NTNG2: variants seen among roughly 807,000 people sequenced by gnomAD.
NTNG2 encodes netrin G2, also known as netrin-G2.
Under a neutral mutation model 47.6 loss-of-function variants are expected in NTNG2, and 15 were observed. The observed-to-expected ratio is 0.32, with a 90% CI of 0.21 to 0.49. The LOEUF (loss-of-function observed/expected upper bound fraction) is 0.49, where lower values mean the gene tolerates loss of function less well. NTNG2 is among the 20% of genes least tolerant of loss of function. The probability of loss-of-function intolerance (pLI) is 0.99; values close to 1 mark genes in which losing one functional copy is unlikely to be tolerated. For missense variants in NTNG2, 578 were observed against 764.6 expected (o/e 0.76, Z 2.88); for synonymous variants, 307 against 324.6 (o/e 0.95, Z 0.58).
At chr9:132,212,120 G>C (rs573714967) in intron 3 of NTNG2, among the ~76,000 whole-genome samples, 2 of 152,136 alleles carry the variant, frequency 1.3e-5, no homozygotes, top group Non-Finnish European at 2.9e-5. Flanking sequence ...ATCACACCCT[G>C]CTCCTTCTCC....
chr9:132,221,365 T>TGA lies in NTNG2; in HGVS notation c.858-5478_858-5477dup, dbSNP rs1270326667. 6.6e-6 allele frequency among the ~76,000 whole-genome samples: 1 copy of TGA among 151,998 alleles called. No homozygotes were observed. Among genetic ancestry groups the TGA allele is most frequent in the Non-Finnish European group, 1.5e-5 (1 of 68,004 alleles). ...GACGGAGACATGGAGAGAGGGGCACTGAGAGAGCCAGAGAGGCCAAGAGGT... is the reference window on the plus strand; with the variant it reads ...GACGGAGACATGGAGAGAGGGGCACTGAGAGAGAGCCAGAGAGGCCAAGAGGT... On this transcript the variant is annotated intron_variant, in intron 3 of 7. Transcript: ENST00000393229. This position sits in a 1 kb window ranked among gnomAD's most constrained non-coding sequence, Gnocchi z 4.2.
chr9:132,201,823 C>T (rs1838775580), intron 3 of NTNG2, among the ~76,000 whole-genome samples: 1 of 152,196 alleles, frequency 6.6e-6, no homozygotes, highest in Non-Finnish European at 1.5e-5. Flanking sequence ...TCAGATCCCA[C>T]AAGCCAAAGA....
chr9:132,216,148 G>A (rs1051824398), intron 3 of NTNG2, among the ~76,000 whole-genome samples: 53 of 152,158 alleles, frequency 3.5e-4, no homozygotes, highest in Non-Finnish European at 1.6e-4. Flanking sequence ...CAGCCCAGCC[G>A]TGACACTCAC....
intron 3 of NTNG2, among the ~76,000 whole-genome samples, chr9:132,216,278 G>C (rs1266641392): frequency 6.6e-6 from 1 of 152,170 alleles, no homozygotes; most frequent in Non-Finnish European, 1.5e-5. Context: ...GCCAGGCAGT[G>C]TGTTAGACAT....
At chr9:132,179,403 CGT>C (rs1211407977) in intron 2 of NTNG2, among the ~76,000 whole-genome samples, 4 of 152,154 alleles carry the variant, frequency 2.6e-5, no homozygotes, top group Non-Finnish European at 5.9e-5. Flanking sequence ...GGATCAAGAG[CGT>C]CCCCTAAGCC....
At chr9:132,240,437 C>A (rs937451694) in intron 6 of NTNG2, among the ~76,000 whole-genome samples, 1 of 152,250 alleles carries the variant, frequency 6.6e-6, no homozygotes, top group African/African-American at 2.4e-5. Flanking sequence ...AGCCCCAAGG[C>A]AACCAACTGG....
rs1823774642 is a variant in NTNG2 at position 132,162,619 on chromosome 9, G to GTGTC, written c.-484+380_-484+381insTGTC. Among the ~76,000 whole-genome samples the GTGTC allele has an allele frequency of 2.6e-5, 2 of 77,420 alleles. No homozygotes were observed. Among genetic ancestry groups the GTGTC allele is most frequent in the African/African-American group, 9.5e-5 (2 of 21,004 alleles). The allele number at this position is 77,420 out of a possible 152,430, so 50.8% of individuals were successfully genotyped here. A position where few individuals can be genotyped will look rare whatever the true frequency, so the allele number is the denominator to read the frequency against. On this transcript the variant is annotated intron_variant, in intron 1 of 7. Transcript: ENST00000393229. The surrounding 1 kb of genome is among the most constrained non-coding windows in gnomAD (Gnocchi z 4.6). ...GTGTGTGTGTGTGTGTGTGTGTGTC[G>GTGTC]GGGAGGGATGTTGCAAGGATGCTCG...
intron 5 of NTNG2, among the ~76,000 whole-genome samples, chr9:132,235,758 G>C (rs139838218): frequency 1.3e-5 from 2 of 152,192 alleles, no homozygotes; most frequent in Non-Finnish European, 2.9e-5. Flanking sequence ...CTGAGACCCC[G>C]GGGAAGCGCC....
Position 132,218,488 on chromosome 9 carries a change from G to GT in NTNG2, c.858-8353dup, listed in dbSNP as rs61589603. Among the ~76,000 whole-genome samples the GT allele has an allele frequency of 0.53, 80,227 of 151,576 alleles. 21,303 individuals are homozygous for GT. The highest frequency in any genetic ancestry group is 0.56 in the African/African-American group (23,195 of 41,364). ...CAATGTGATAGCGTTTTGTTTTTTTGTTTTTTTTGTTTTTCTGGTTTTTTT... is the reference window on the plus strand; with the variant it reads ...CAATGTGATAGCGTTTTGTTTTTTTGTTTTTTTTTGTTTTTCTGGTTTTTTT... On this transcript the variant is annotated intron_variant, in intron 3 of 7. Coordinates refer to ENST00000393229, the MANE Select transcript of NTNG2 (RefSeq NM_032536.4). This position sits in a 1 kb window ranked among gnomAD's most constrained non-coding sequence, Gnocchi z 5.4.
intron 3 of NTNG2, among the ~76,000 whole-genome samples, chr9:132,216,492 G>A (rs1331627): frequency 0.5 from 73,524 of 147,044 alleles, 18,707 homozygotes; most frequent in South Asian, 0.57. Context: ...TCTTGCTGCC[G>A]TCTGAAGAGC....
At position 132,221,557 on chromosome 9, in the gene NTNG2, T is replaced by A. The variant is rs1840350566; in HGVS notation, c.858-5292T>A. On this transcript the variant is annotated intron_variant, in intron 3 of 7. Coordinates refer to ENST00000393229, the MANE Select transcript of NTNG2 (RefSeq NM_032536.4). This position sits in a 1 kb window ranked among gnomAD's most constrained non-coding sequence, Gnocchi z 4.2. ...TGCCAGCTCCTCCCTGCAGCCCTGC[T>A]AGACAGGGCAATTCTCTCCTTTGGA... is the stretch of plus-strand genomic sequence containing the variant. 6.6e-6 allele frequency among the ~76,000 whole-genome samples: 1 copy of A among 152,214 alleles called. No homozygotes were observed. The highest frequency in any genetic ancestry group is 1.5e-5 in the Non-Finnish European group (1 of 68,040).
At chr9:132,222,918 C>G (rs1840446629) in intron 3 of NTNG2, among the ~76,000 whole-genome samples, 1 of 152,160 alleles carries the variant, frequency 6.6e-6, no homozygotes, top group Non-Finnish European at 1.5e-5. Context: ...TGAGACCAGC[C>G]TGGGCAACAC....
At position 132,181,881 on chromosome 9, in the gene NTNG2, G is replaced by C. The variant is rs541695986; in HGVS notation, c.213+14837G>C. On this transcript the variant is annotated intron_variant, in intron 2 of 7. Transcript: ENST00000393229. ...CCTGGGCCGCCCGGCCCGGCATCCA[G>C]GTTCCTAAACAGGCTGCTCAGCTGA... 3.5e-3 allele frequency among the ~76,000 whole-genome samples: 527 copies of C among 152,372 alleles called. 4 individuals carry two copies. The highest frequency in any genetic ancestry group is 4.3e-3 in the Non-Finnish European group (295 of 68,044).
At chr9:132,217,065 T>C (rs1403922577) in intron 3 of NTNG2, among the ~76,000 whole-genome samples, 1 of 152,174 alleles carries the variant, frequency 6.6e-6, no homozygotes, top group South Asian at 2.1e-4. Context: ...TCTAGTGCCA[T>C]GCAGCCCCGA....
rs377561867 is a variant in NTNG2 at position 132,197,951 on chromosome 9, C to T, written c.214-15C>T. 2.3e-4 allele frequency: 361 copies of T among 1,600,376 alleles called. No homozygotes were observed. The highest frequency in any genetic ancestry group is 3.0e-4 in the Non-Finnish European group (349 of 1,172,516). ...ATCCAGCACCCACCCTTCCCTTCTC[C>T]TCTCCCCGCTGCAGGAGAATCCCTA... On this transcript the variant is annotated splice_polypyrimidine_tract_variant and intron_variant, in intron 2 of 7. Coordinates refer to ENST00000393229, the MANE Select transcript of NTNG2 (RefSeq NM_032536.4). The surrounding 1 kb of genome is among the most constrained non-coding windows in gnomAD (Gnocchi z 4.3).
In NTNG2 at chr9:132,198,511, C is replaced by T. The variant is rs1838492358; in HGVS notation, c.759C>T (p.Arg253=). Residue 253 remains arginine (R), a synonymous_variant, in exon 3 of 8, where the codon CGC becomes CGT. Coordinates refer to ENST00000393229, the MANE Select transcript of NTNG2 (RefSeq NM_032536.4). ...LKEFFTLTDL[R]MRLLRPALGG... The stretch of plus-strand genomic sequence containing the variant: ...AGTTCTTCACCCTCACCGACCTGCG[C>T]ATGCGGCTGCTGCGCCCGGCGCTGG... The T allele has an allele frequency of 1.2e-6, 2 of 1,613,132 alleles. No individual in the cohort carries two copies. Among genetic ancestry groups the T allele is most frequent in the South Asian group, 1.1e-5 (1 of 91,084 alleles).
At position 132,215,021 on chromosome 9, in the gene NTNG2, T is replaced by G. The variant is rs1388480393; in HGVS notation, c.858-11828T>G. Reference sequence around the variant, plus strand: ...CCTCCGAAGTAGCTAAGATGACAGGTGCTCACCACCATGCCCTGATAAATT... The same window carrying G: ...CCTCCGAAGTAGCTAAGATGACAGGGGCTCACCACCATGCCCTGATAAATT... On this transcript the variant is annotated intron_variant, in intron 3 of 7. Coordinates refer to ENST00000393229, the MANE Select transcript of NTNG2 (RefSeq NM_032536.4). This position sits in a 1 kb window ranked among gnomAD's most constrained non-coding sequence, Gnocchi z 4.2. 6.6e-6 allele frequency among the ~76,000 whole-genome samples: 1 copy of G among 150,414 alleles called. No homozygotes were observed. Among genetic ancestry groups the G allele is most frequent in the Non-Finnish European group, 1.5e-5 (1 of 67,608 alleles).
At chr9:132,201,590 A>G (rs1037363719) in intron 3 of NTNG2, among the ~76,000 whole-genome samples, 1 of 152,194 alleles carries the variant, frequency 6.6e-6, no homozygotes, top group Non-Finnish European at 1.5e-5. Context: ...GGGGGTTCCC[A>G]GGCTCTGGGA....
intron 3 of NTNG2, among the ~76,000 whole-genome samples, chr9:132,210,322 C>A (rs1419273123): frequency 6.6e-6 from 1 of 152,090 alleles, no homozygotes; most frequent in Non-Finnish European, 1.5e-5. Context: ...TCAGGAGGTG[C>A]CTGAGGAAGG....
Sources: gnomAD v4.1 joint callset for allele counts (sites outside exome capture counted in the v4.1 genomes callset) on GRCh38, gnomAD v4.1.1 for gene constraint, Gnocchi (gnomAD v3.1) non-coding constraint, MANE v1.5 for transcripts, NCBI Gene and HGNC (gene_info 2026-07-23, HGNC 2026-07-21) for gene names.